Variants in PPP1R8 observed in about 807,000 individuals in gnomAD.
The protein encoded by PPP1R8 is protein phosphatase 1 regulatory subunit 8, also known as nuclear inhibitor of protein phosphatase 1.
Under a neutral mutation model 31.3 loss-of-function variants are expected in PPP1R8, and 4 were observed. The observed-to-expected ratio is 0.13, with a 90% CI of 0.06 to 0.29. The LOEUF is 0.29. PPP1R8 is among the 10% of genes least tolerant of loss of function. The pLI is 1.00. For synonymous variants in PPP1R8, 170 were observed against 169.7 expected (o/e 1.00, Z -0.01); for missense variants, 254 against 440.1 (o/e 0.58, Z 3.78).
At chr1:27,849,232 G>T (rs201666740) in intron 6 of PPP1R8, among the ~76,000 whole-genome samples, 1 of 151,940 alleles carries the variant, frequency 6.6e-6, no homozygotes, top group Non-Finnish European at 1.5e-5. Context: ...TTAGCCAGGC[G>T]TGGTGGCGCA....
chr1:27,849,485 G>A (rs1305298360), intron 6 of PPP1R8, among the ~76,000 whole-genome samples: 1 of 151,808 alleles, frequency 6.6e-6, no homozygotes, highest in Non-Finnish European at 1.5e-5. Flanking sequence ...TTTCCTAAAA[G>A]GGATTTTTTT....
chr1:27,838,895 A>T (rs776504734), intron 3 of PPP1R8, 43 bp downstream of exon 3: 2 of 1,440,050 alleles, frequency 1.4e-6, no homozygotes, highest in Non-Finnish European at 1.9e-6. Flanking sequence ...TTTAGGCAAT[A>T]TGAAAATACT....
In PPP1R8 at chr1:27,851,333, C is replaced by G. The variant is rs780586482; in HGVS notation, c.*887C>G. On this transcript the variant is annotated 3_prime_UTR_variant, in exon 7 of 7. Transcript: ENST00000311772. ...ATGTCAGTTTGGAGGCTCTTTCCCC[C>G]CTCAATTGAGAGCTCTTGTTATTCA... The G allele has an allele frequency of 5.8e-5, 18 of 308,322 alleles. No individual in the cohort carries two copies. The highest frequency in any genetic ancestry group is 1.2e-4 in the Non-Finnish European group (18 of 153,326). The allele number at this position is 308,322 out of a possible 1,614,324, so 19.1% of individuals were successfully genotyped here.
At chr1:27,838,900 A>G (rs764876216) in intron 3 of PPP1R8, 48 bp downstream of exon 3, 2 of 1,423,524 alleles carry the variant, frequency 1.4e-6, no homozygotes, top group Admixed American at 5.0e-5. Flanking sequence ...GCAATATGAA[A>G]ATACTCTTTG....
Position 27,830,801 on chromosome 1 carries a change from C to G in PPP1R8, c.-35C>G. 1.3e-6 allele frequency: 2 copies of G among 1,562,786 alleles called. No individual in the cohort carries two copies. Among genetic ancestry groups the G allele is most frequent in the Non-Finnish European group, 1.7e-6 (2 of 1,154,472 alleles). ...CTCGGTCTTCCAGTTTCCCGGCGTG[C>G]TTAGGGCGCGCCAAATGGGAGGGGG... On this transcript the variant is annotated 5_prime_UTR_variant, in exon 1 of 7. Transcript: ENST00000311772.
chr1:27,831,384 C>CT, intron 1 of PPP1R8: 1 of 985,678 alleles, frequency 1.0e-6, no homozygotes. Flanking sequence ...AGCGCCATCC[C>CT]TGCCCTCAGG....
At chr1:27,845,005 TTACAGGCGTGA>T (rs958128216) in intron 5 of PPP1R8, among the ~76,000 whole-genome samples, 9 of 139,258 alleles carry the variant, frequency 6.5e-5, no homozygotes, top group Non-Finnish European at 1.4e-4. Flanking sequence ...AGTGCTGGGA[TTACAGGCGTGA>T]GCCACCATGC....
intron 1 of PPP1R8, chr1:27,831,438 C>T (rs2089105130): frequency 1.2e-6 from 1 of 846,134 alleles, no homozygotes; most frequent in Admixed American, 6.2e-5. Context: ...TAATGGTTGG[C>T]ATGAACCCTT....
rs2089339730 is a variant in PPP1R8 at position 27,851,092 on chromosome 1, ATTG to A, written c.*649_*651del. The stretch of plus-strand genomic sequence containing the variant: ...CAGGTTTATAGTTTTAACTTACAGT[ATTG>A]TTTGAAATTTACCTGTTTTTCTTGT... On this transcript the variant is annotated 3_prime_UTR_variant, in exon 7 of 7. Transcript: ENST00000311772. The A allele has an allele frequency of 6.3e-6, 1 of 158,316 alleles. No individual in the cohort carries two copies. Among genetic ancestry groups the A allele is most frequent in the Non-Finnish European group, 1.4e-5 (1 of 71,374 alleles). 9.8% of individuals were successfully genotyped at this position (158,316 alleles called of 1,614,324 possible). A position where few individuals can be genotyped will look rare whatever the true frequency, so the allele number is the denominator to read the frequency against.
At chr1:27,841,447 G>T (rs771909744) in intron 4 of PPP1R8, among the ~76,000 whole-genome samples, 1 of 152,142 alleles carries the variant, frequency 6.6e-6, no homozygotes, top group Non-Finnish European at 1.5e-5. Context: ...GGCCTAACAA[G>T]GAGGCTGAGT....
Position 27,830,856 on chromosome 1 carries a change from C to T in PPP1R8, c.21C>T (p.Ser7=), listed in dbSNP as rs372091355. The change falls in exon 1 of 7, where the codon TCC becomes TCT. Residue 7 remains serine, a synonymous_variant. Transcript: ENST00000311772. ...GCAAGATGGCGGCAGCCGCGAACTC[C>T]GGCTCTAGCCTCCCGCTGTTCGACT... MAAAAN[S]GSSLPLFDCP... is the part of the protein sequence containing the mutation. The T allele has an allele frequency of 9.6e-5, 151 of 1,575,952 alleles. No homozygotes were observed. The highest frequency in any genetic ancestry group is 6.7e-4 in the Middle Eastern group (4 of 5,974).
intron 5 of PPP1R8, among the ~76,000 whole-genome samples, 162 bp from the exon 6 acceptor site, chr1:27,846,866 G>T (rs1295686180): frequency 6.6e-6 from 1 of 152,178 alleles, no homozygotes; most frequent in East Asian, 1.9e-4. Context: ...ACATCACAGG[G>T]TCTTTGTGAG....
chr1:27,837,174 G>A (rs2089175000), intron 2 of PPP1R8, among the ~76,000 whole-genome samples: 1 of 152,140 alleles, frequency 6.6e-6, no homozygotes, highest in South Asian at 2.1e-4. Flanking sequence ...GCTCACCCCT[G>A]TAATCCCAGC....
chr1:27,842,513 A>G (rs1309050376), intron 4 of PPP1R8, among the ~76,000 whole-genome samples: 1 of 152,108 alleles, frequency 6.6e-6, no homozygotes, highest in Non-Finnish European at 1.5e-5. Flanking sequence ...TACTCCCTGG[A>G]TCTTCATTCT....
chr1:27,839,454 G>A (rs918784585), intron 3 of PPP1R8, among the ~76,000 whole-genome samples: 33 of 152,128 alleles, frequency 2.2e-4, no homozygotes, highest in African/African-American at 7.7e-4. Flanking sequence ...CTTGAACCCA[G>A]GAGTGGAAGG....
chr1:27,837,159 C>T (rs1160799827), intron 2 of PPP1R8, among the ~76,000 whole-genome samples: 5 of 152,038 alleles, frequency 3.3e-5, no homozygotes, highest in Admixed American at 6.6e-5. Context: ...AGGCCAGGCA[C>T]GGTGGCTCAC....
intron 4 of PPP1R8, among the ~76,000 whole-genome samples, chr1:27,842,055 C>T (rs10158560): frequency 0.18 from 26,829 of 152,158 alleles, 6,123 homozygotes; most frequent in African/African-American, 0.53. Flanking sequence ...AATTGTACAA[C>T]TTAGGCCGGG....
rs748444421 is a variant in PPP1R8, at chr1:27,850,587, A to G, written c.*141A>G. 4 of 757,534 alleles carry G rather than the reference A, an allele frequency of 5.3e-6. No homozygotes were observed. The highest frequency in any genetic ancestry group is 8.3e-6 in the Non-Finnish European group (4 of 479,946). 46.9% of individuals were successfully genotyped at this position (757,534 alleles called of 1,614,324 possible). ...TCTCCTGGCATCCTAACCATGTAATATGACAATTGGGGGTGGGGTTGAAAT... is the reference window on the plus strand; with the variant it reads ...TCTCCTGGCATCCTAACCATGTAATGTGACAATTGGGGGTGGGGTTGAAAT... On this transcript the variant is annotated 3_prime_UTR_variant, in exon 7 of 7. Coordinates refer to ENST00000311772, the MANE Select transcript of PPP1R8 (RefSeq NM_014110.5).
At position 27,832,894 on chromosome 1, in the gene PPP1R8, C is replaced by A. The variant is rs896686593; in HGVS notation, c.117+78C>A. 17 of 1,229,698 alleles carry A rather than the reference C, an allele frequency of 1.4e-5. No homozygotes were observed. In the African/African-American group the frequency reaches 2.4e-4, roughly 18 times the overall value. The allele number at this position is 1,229,698 out of a possible 1,614,324, so 76.2% of individuals were successfully genotyped here. ...AGTGACTCACTTTTCCACCCCCTCT[C>A]CTGTGCTTTGTTTTCCAGCAATGCT... On this transcript the variant is annotated intron_variant, in intron 2 of 6. Transcript: ENST00000311772.
Sources: gnomAD v4.1 joint callset for allele counts (sites outside exome capture counted in the v4.1 genomes callset) on GRCh38, gnomAD v4.1.1 for gene constraint, MANE v1.5 for transcripts, NCBI Gene and HGNC (gene_info 2026-07-23, HGNC 2026-07-21) for gene names.